The following FCHO1 variants were observed in gnomAD, a reference collection of about 807,000 sequenced individuals.
FCHO1 encodes F-BAR domain only protein 1.
Under a neutral mutation model 114.4 loss-of-function variants are expected in FCHO1, and 45 were observed. The ratio of observed to expected loss-of-function variants is 0.39; its 90% CI spans 0.31 to 0.50. The LOEUF (loss-of-function observed/expected upper bound fraction) is 0.50, where lower values mean the gene tolerates loss of function less well. FCHO1 is among the 20% of genes least tolerant of loss of function. FCHO1 has a pLI of 0.77. For synonymous variants in FCHO1, 480 were observed against 488.9 expected (o/e 0.98, Z 0.24); for missense variants, 1,042 against 1,209.6 (o/e 0.86, Z 2.06).
In FCHO1 at chr19:17,784,732, G is replaced by T. The variant is rs151277101; in HGVS notation, c.2234G>T (p.Arg745Leu). The T allele has an allele frequency of 8.7e-6, 14 of 1,613,744 alleles. No individual in the cohort carries two copies. Among genetic ancestry groups the T allele is most frequent in the Middle Eastern group, 3.3e-4 (2 of 6,082 alleles). Residue 745 changes from arginine (R) to leucine (L), a missense_variant, in exon 26 of 29, where the codon CGC becomes CTC. Around this residue, in one of 3 missense-constraint regions of FCHO1, gnomAD observed 455 missense variants for 455.4 expected, o/e 1.00. Coordinates refer to ENST00000596536, the MANE Select transcript of FCHO1 (RefSeq NM_015122.3). This position sits in a 1 kb window ranked among gnomAD's most constrained non-coding sequence, Gnocchi z 5.3. ...CATTCTCATTCTTCCTAGTTCTCCCGCCCGGGTCCCCAGTCTGTGCCTCTG... is the reference window on the plus strand; with the variant it reads ...CATTCTCATTCTTCCTAGTTCTCCCTCCCGGGTCCCCAGTCTGTGCCTCTG... ...NVVLLRYQFSRPGPQSVPLQL... is the reference protein window; with the variant it reads ...NVVLLRYQFSLPGPQSVPLQL...
chr19:17,776,201 G>A lies in FCHO1; in HGVS notation c.1182+40G>A. 2 of 1,614,066 alleles carry A rather than the reference G, an allele frequency of 1.2e-6. No homozygotes were observed. Among genetic ancestry groups the A allele is most frequent in the Non-Finnish European group, 1.7e-6 (2 of 1,179,986 alleles). On this transcript the variant is annotated intron_variant, in intron 16 of 28. Coordinates refer to ENST00000596536, the MANE Select transcript of FCHO1 (RefSeq NM_015122.3). This position sits in a 1 kb window ranked among gnomAD's most constrained non-coding sequence, Gnocchi z 4.4. Reference sequence around the variant, plus strand: ...GGGTGCCCTGGGTGTTGCTAGAGAGGCTGGCTGGATGCATTCGTGTGTGAT... The same window carrying A: ...GGGTGCCCTGGGTGTTGCTAGAGAGACTGGCTGGATGCATTCGTGTGTGAT...
In FCHO1 at chr19:17,784,148, C is replaced by T. The variant is rs777459601; in HGVS notation, c.2139C>T (p.Asn713=). 10 of 1,614,004 alleles carry T rather than the reference C, an allele frequency of 6.2e-6. No homozygotes were observed. The South Asian group carries it at 9.9e-5, about 16-fold the overall frequency. Residue 713 remains asparagine (N), a synonymous_variant, in exon 25 of 29, where the codon AAC becomes AAT. Transcript: ENST00000596536. This position sits in a 1 kb window ranked among gnomAD's most constrained non-coding sequence, Gnocchi z 5.3. ...CTGAGACCAAAGACTTCTGGCTCAA[C>T]ATGGCAGCTCTGACCGAAGCCCTGC... ...SDPETKDFWL[N]MAALTEALQR... is the part of the protein sequence containing the mutation.
chr19:17,780,413 C>T (rs1165055545), intron 20 of FCHO1, among the ~76,000 whole-genome samples: 1 of 152,126 alleles, frequency 6.6e-6, no homozygotes, highest in African/African-American at 2.4e-5. Flanking sequence ...ATCTGCCTGC[C>T]TCGGCCTCCC....
rs777165010 is a variant in FCHO1 at position 17,775,173 on chromosome 19, A to T, written c.945+93A>T. The T allele has an allele frequency of 1.9e-5, 27 of 1,418,110 alleles. No individual in the cohort carries two copies. Among genetic ancestry groups the T allele is most frequent in the East Asian group, 1.6e-4 (7 of 43,524 alleles). 87.8% of individuals were successfully genotyped at this position (1,418,110 alleles called of 1,614,324 possible). A position where few individuals can be genotyped will look rare whatever the true frequency, so the allele number is the denominator to read the frequency against. On this transcript the variant is annotated intron_variant, in intron 14 of 28. Transcript: ENST00000596536. The surrounding 1 kb of genome is among the most constrained non-coding windows in gnomAD (Gnocchi z 5.1). ...AGAGTCCCGATCCCTACTGGAAACT[A>T]AAGAGCCGAGATTGAGGGGCGGGCT...
chr19:17,760,215 T>C (rs1299019459), intron 4 of FCHO1, among the ~76,000 whole-genome samples: 2 of 152,132 alleles, frequency 1.3e-5, no homozygotes, highest in Non-Finnish European at 1.5e-5. Flanking sequence ...CACGCCTGGC[T>C]AATTTTTGTA....
chr19:17,784,000 G>A (rs2093656096), intron 24 of FCHO1, 103 bp from the exon 25 acceptor site: 4 of 1,415,636 alleles, frequency 2.8e-6, no homozygotes, highest in Admixed American at 2.0e-5. Context: ...CTGGGCCCAG[G>A]GTGGGCCAGG....
chr19:17,761,057 T>G (rs1273692153), intron 4 of FCHO1, among the ~76,000 whole-genome samples: 1 of 151,974 alleles, frequency 6.6e-6, no homozygotes, highest in South Asian at 2.1e-4. Context: ...CCCCAGAAAT[T>G]GGAGTAAAGA....
At chr19:17,752,404 G>A (rs2082194041) in intron 1 of FCHO1, 1 of 152,098 alleles carries the variant, frequency 6.6e-6, no homozygotes, top group Non-Finnish European at 1.5e-5. Context: ...GACTACAGGT[G>A]TGTGCCACCA....
In FCHO1 at chr19:17,781,450, A is replaced by C. The variant is rs962037542; in HGVS notation, c.1741-2A>C. On this transcript the variant is annotated splice_acceptor_variant, in intron 21 of 28. Transcript: ENST00000596536. LOFTEE classifies it high-confidence loss of function. ...AGCCAAGATTGTCTCTTTCCCTTCC[A>C]GTCTCGTTCCCTGAGCCCCTCCCCA... The C allele has an allele frequency of 2.5e-6, 4 of 1,613,826 alleles. No individual in the cohort carries two copies. The African/African-American group carries it at 4.0e-5, about 16-fold the overall frequency.
At chr19:17,774,346 T>C in intron 12 of FCHO1, 48 bp from the exon 13 acceptor site, 1 of 1,612,932 alleles carries the variant, frequency 6.2e-7, no homozygotes, top group Non-Finnish European at 8.5e-7. Context: ...CTGATCTGAA[T>C]GTGAAAGGAG....
intron 19 of FCHO1, 184 bp from the exon 20 acceptor site, chr19:17,778,425 A>T: frequency 1.3e-6 from 1 of 798,868 alleles, no homozygotes; most frequent in Non-Finnish European, 2.0e-6. Flanking sequence ...GCGGTGACTG[A>T]GTGGATGGGC....
In FCHO1 at chr19:17,788,373, C is replaced by T. The variant is rs2094108319; in HGVS notation, c.*67C>T. The stretch of plus-strand genomic sequence containing the variant: ...TGCTGGCTGACCACCCCCTGCCCTC[C>T]TGCCGGACCCTGGGGCCTCCCACCC... On this transcript the variant is annotated 3_prime_UTR_variant, in exon 29 of 29. Transcript: ENST00000596536. 8.0e-7 allele frequency: 1 copy of T among 1,248,496 alleles called. No individual in the cohort carries two copies. Among genetic ancestry groups the T allele is most frequent in the African/African-American group, 1.5e-5 (1 of 67,964 alleles). 77.3% of individuals were successfully genotyped at this position (1,248,496 alleles called of 1,614,324 possible). A position where few individuals can be genotyped will look rare whatever the true frequency, so the allele number is the denominator to read the frequency against.
At chr19:17,780,912 A>G (rs901153912) in intron 20 of FCHO1, among the ~76,000 whole-genome samples, 19 of 152,252 alleles carry the variant, frequency 1.2e-4, no homozygotes, top group African/African-American at 4.6e-4. Flanking sequence ...AAAATGGCTG[A>G]ATGTTGGCTA....
At chr19:17,757,027 A>G (rs557655589) in intron 4 of FCHO1, among the ~76,000 whole-genome samples, 1 of 152,072 alleles carries the variant, frequency 6.6e-6, no homozygotes, top group Admixed American at 6.6e-5. Context: ...CATCTCTACT[A>G]AAAATACAAA....
Position 17,787,715 on chromosome 19 carries a change from T to C in FCHO1, c.2516T>C (p.Leu839Pro). ...SGRLSASWEP[L>P]SGPSTPSPVA... ...CGCCTCTCTGCCAGCTGGGAGCCGCTCTCAGGGCCCAGCACACCCAGCCCC... is the reference window on the plus strand; with the variant it reads ...CGCCTCTCTGCCAGCTGGGAGCCGCCCTCAGGGCCCAGCACACCCAGCCCC... The change falls in exon 28 of 29, where the codon CTC becomes CCC. Residue 839 changes from leucine (L) to proline (P), a missense_variant. Coordinates refer to ENST00000596536, the MANE Select transcript of FCHO1 (RefSeq NM_015122.3). 1.3e-6 allele frequency: 2 copies of C among 1,574,612 alleles called. No individual in the cohort carries two copies. Among genetic ancestry groups the C allele is most frequent in the Non-Finnish European group, 1.7e-6 (2 of 1,160,910 alleles).
intron 4 of FCHO1, among the ~76,000 whole-genome samples, chr19:17,761,859 C>T (rs1024847915): frequency 1.0e-4 from 15 of 150,420 alleles, no homozygotes; most frequent in Admixed American, 9.4e-4. Flanking sequence ...CAGGGTTTCT[C>T]CATGCTGGCC....
chr19:17,782,328 G>A (rs2382983), intron 23 of FCHO1, among the ~76,000 whole-genome samples: 30,817 of 151,924 alleles, frequency 0.2, 3,479 homozygotes, highest in African/African-American at 0.29. Flanking sequence ...TCAGCCTCCC[G>A]AGTAATTCTG....
Position 17,786,451 on chromosome 19 carries a change from A to G in FCHO1, c.2427-123A>G, listed in dbSNP as rs1599808708. 8.9e-6 allele frequency: 8 copies of G among 902,702 alleles called. No individual in the cohort carries two copies. The East Asian group carries it at 1.6e-4, about 18-fold the overall frequency. The allele number at this position is 902,702 out of a possible 1,614,324, so 55.9% of individuals were successfully genotyped here. On this transcript the variant is annotated intron_variant, in intron 26 of 28. Coordinates refer to ENST00000596536, the MANE Select transcript of FCHO1 (RefSeq NM_015122.3). ...CTCACCCTCATTTCACAGATGAGGA[A>G]ATTGAGGTGAAGTGGGGGAGAAGGT... is the stretch of plus-strand genomic sequence containing the variant.
intron 20 of FCHO1, among the ~76,000 whole-genome samples, chr19:17,779,621 CAA>C (rs2093136309): frequency 1.1e-5 from 1 of 92,202 alleles, no homozygotes; most frequent in Non-Finnish European, 2.0e-5. Context: ...GGAGCGGAGT[CAA>C]GGGAGGGAGG....
Sources: gnomAD v4.1 joint callset for allele counts (sites outside exome capture counted in the v4.1 genomes callset) on GRCh38, gnomAD v4.1.1 for gene constraint, gnomAD v4.1.1 regional missense constraint, Gnocchi (gnomAD v3.1) non-coding constraint, MANE v1.5 for transcripts, NCBI Gene and HGNC (gene_info 2026-07-23, HGNC 2026-07-21) for gene names.